Variants in ADD3 observed in about 807,000 individuals in gnomAD.
ADD3 encodes the protein gamma-adducin.
A neutral mutation model predicts 80.2 loss-of-function variants in ADD3; 25 were observed. That is an observed-to-expected ratio of 0.31 (90% CI 0.23 to 0.44). The LOEUF (loss-of-function observed/expected upper bound fraction) is 0.44. Ranked by LOEUF, ADD3 falls within the 20% of genes least tolerant of loss-of-function variation. The pLI is 1.00. For synonymous variants in ADD3, 284 were observed against 289.6 expected, an observed-to-expected ratio of 0.98 and a Z score of 0.20; for missense variants, 829 against 847.5, an observed-to-expected ratio of 0.98 and a Z score of 0.27.
intron 1 of ADD3, among the ~76,000 whole-genome samples, chr10:110,095,070 T>A (rs924061481): frequency 6.6e-6 from 1 of 152,238 alleles, no homozygotes; most frequent in Non-Finnish European, 1.5e-5. Context: ...AAACCAGATT[T>A]ATTTGGAAGG....
chr10:110,061,472 G>A (rs1309560165), intron 1 of ADD3, among the ~76,000 whole-genome samples: 1 of 152,134 alleles, frequency 6.6e-6, no homozygotes, highest in Non-Finnish European at 1.5e-5. Context: ...CAGAATGATA[G>A]CATCTTCAAG....
intron 2 of ADD3, among the ~76,000 whole-genome samples, chr10:110,107,397 G>A (rs990005078): frequency 1.3e-5 from 2 of 152,122 alleles, no homozygotes; most frequent in African/African-American, 4.8e-5. Flanking sequence ...AGTAGATCGA[G>A]CAGGGCTAGA....
chr10:110,056,283 C>A (rs1196913407), intron 1 of ADD3, among the ~76,000 whole-genome samples: 1 of 152,196 alleles, frequency 6.6e-6, no homozygotes, highest in Non-Finnish European at 1.5e-5. Flanking sequence ...TACTCACTTT[C>A]ATTTTGCATT....
chr10:110,050,998 A>G (rs1267834837), intron 1 of ADD3, among the ~76,000 whole-genome samples: 4 of 152,208 alleles, frequency 2.6e-5, no homozygotes, highest in African/African-American at 4.8e-5. Flanking sequence ...TGTCCCAGAA[A>G]GTAACTCACA....
chr10:110,068,265 C>G (rs1398504962), intron 1 of ADD3, among the ~76,000 whole-genome samples: 1 of 152,246 alleles, frequency 6.6e-6, no homozygotes, highest in African/African-American at 2.4e-5. Flanking sequence ...AGTTCAGAAG[C>G]AATTGTCATG....
At chr10:110,101,687 G>T (rs183497992) in intron 2 of ADD3, among the ~76,000 whole-genome samples, 1 of 150,934 alleles carries the variant, frequency 6.6e-6, no homozygotes, top group East Asian at 1.9e-4. Context: ...TGTCTGCACA[G>T]CAATAGTCAG....
At chr10:110,070,945 T>G (rs1482760831) in intron 1 of ADD3, among the ~76,000 whole-genome samples, 16 of 82,604 alleles carry the variant, frequency 1.9e-4, no homozygotes, top group South Asian at 1.0e-3. Context: ...TCATGTGGGT[T>G]TTTTTTTTTG....
At chr10:110,061,114 C>A (rs1174502164) in intron 1 of ADD3, among the ~76,000 whole-genome samples, 2 of 152,134 alleles carry the variant, frequency 1.3e-5, no homozygotes, top group Non-Finnish European at 2.9e-5. Context: ...AAACCCACCG[C>A]TATATAATAT....
chr10:110,119,610 G>C, intron 8 of ADD3, 46 bp downstream of exon 8: 1 of 1,520,938 alleles, frequency 6.6e-7, no homozygotes, highest in South Asian at 1.2e-5. Flanking sequence ...TTATTTGCTC[G>C]TTTAGTTGGA....
chr10:110,111,449 A>G (rs1419468069), intron 2 of ADD3, among the ~76,000 whole-genome samples: 1 of 152,222 alleles, frequency 6.6e-6, no homozygotes, highest in East Asian at 1.9e-4. Flanking sequence ...GAAGTTTCAG[A>G]TGTTGAACCA....
intron 1 of ADD3, among the ~76,000 whole-genome samples, chr10:110,071,700 G>A (rs543850802): frequency 6.6e-6 from 1 of 152,232 alleles, no homozygotes; most frequent in South Asian, 2.1e-4. Context: ...CATCAGTAGA[G>A]TCAAAGCCAT....
rs534663998 is a variant in ADD3 at position 110,121,818 on chromosome 10, G to T, written c.961-292G>T. 69 of 232,322 alleles carry T rather than the reference G, an allele frequency of 3.0e-4. No individual in the cohort carries two copies. The Admixed American group carries it at 3.9e-3, about 13-fold the overall frequency. 14.4% of individuals were successfully genotyped at this position (232,322 alleles called of 1,614,324 possible). A position where few individuals can be genotyped will look rare whatever the true frequency, so the allele number is the denominator to read the frequency against. On this transcript the variant is annotated intron_variant, in intron 8 of 14. Transcript: ENST00000356080. ...TAACCCTGGGAAAACTTCAAGAAAA[G>T]AAATTTAAAATTTGGCAGCAGAATT...
At chr10:110,103,371 G>C (rs1219098308) in intron 2 of ADD3, among the ~76,000 whole-genome samples, 5 of 152,216 alleles carry the variant, frequency 3.3e-5, no homozygotes, top group Non-Finnish European at 5.9e-5. Flanking sequence ...TGAAGTTGCA[G>C]TCAATATGTT....
At chr10:110,007,535 C>T (rs1410220863), upstream of ADD3, among the ~76,000 whole-genome samples, 1 of 152,212 alleles carries the variant, frequency 6.6e-6, no homozygotes, top group African/African-American at 2.4e-5. Context: ...CCCTCCTCCC[C>T]TTCGCGGTCG....
chr10:110,003,479 G>A (rs572795703), upstream of ADD3, among the ~76,000 whole-genome samples: 1 of 150,842 alleles, frequency 6.6e-6, no homozygotes, highest in Non-Finnish European at 1.5e-5. Flanking sequence ...TTTACATAGT[G>A]CTTTGAAAAG....
At chr10:110,086,718 C>T (rs542200492) in intron 1 of ADD3, among the ~76,000 whole-genome samples, 1 of 152,288 alleles carries the variant, frequency 6.6e-6, no homozygotes, top group African/African-American at 2.4e-5. Flanking sequence ...TTTCCTGAGG[C>T]CTCTCCAGCC....
At chr10:110,009,944 C>A (rs1852137379) in intron 1 of ADD3, among the ~76,000 whole-genome samples, 1 of 152,156 alleles carries the variant, frequency 6.6e-6, no homozygotes, top group South Asian at 2.1e-4. Flanking sequence ...GATCATATGA[C>A]ACTTGGGAAA....
intron 1 of ADD3, among the ~76,000 whole-genome samples, chr10:110,082,602 T>C (rs549412854): frequency 2.6e-5 from 4 of 152,328 alleles, no homozygotes; most frequent in Admixed American, 1.3e-4. Context: ...TAAATAGTCT[T>C]TATAACCTTT....
chr10:110,123,635 T>C (rs1384135357), intron 9 of ADD3, among the ~76,000 whole-genome samples: 1 of 152,182 alleles, frequency 6.6e-6, no homozygotes, highest in Non-Finnish European at 1.5e-5. Context: ...GATTTTACCC[T>C]CTTCTGTGAA....
Sources: gnomAD v4.1 joint callset for allele counts (sites outside exome capture counted in the v4.1 genomes callset) on GRCh38, gnomAD v4.1.1 for gene constraint, MANE v1.5 for transcripts, NCBI Gene and HGNC (gene_info 2026-07-23, HGNC 2026-07-21) for gene names.